CLK4: variants seen among roughly 807,000 people sequenced by gnomAD.
CLK4 encodes the protein dual specificity protein kinase CLK4.
A neutral mutation model predicts 64.4 loss-of-function variants in CLK4; 37 were observed. The ratio of observed to expected loss-of-function variants is 0.57; its 90% CI spans 0.44 to 0.76. The LOEUF is 0.76. CLK4 is among the 30% of genes least tolerant of loss of function. The pLI is 0.00. For missense variants in CLK4, 457 were observed against 605.1 expected, an observed-to-expected ratio of 0.76 and a Z score of 2.57; for synonymous variants, 175 against 191.6, an observed-to-expected ratio of 0.91 and a Z score of 0.72.
chr5:178,612,557 C>T lies in CLK4; in HGVS notation c.922-12G>A, dbSNP rs1433966439. 6.2e-7 allele frequency: 1 copy of T among 1,612,514 alleles called. No individual in the cohort carries two copies. Among genetic ancestry groups the T allele is most frequent in the Admixed American group, 1.7e-5 (1 of 59,802 alleles). On this transcript the variant is annotated splice_polypyrimidine_tract_variant and intron_variant, in intron 8 of 12. Coordinates refer to ENST00000316308, the MANE Select transcript of CLK4 (RefSeq NM_020666.3). ...CGTTCATCACGTTTCTAGAGAGACA[C>T]AGTTGAGTAAACATGAAACTCAATA... is the stretch of plus-strand genomic sequence containing the variant.
intron 1 of CLK4, among the ~76,000 whole-genome samples, chr5:178,626,457 C>A (rs1324411270): frequency 6.6e-6 from 1 of 152,236 alleles, no homozygotes; most frequent in East Asian, 1.9e-4. Flanking sequence ...CACCTCCCGG[C>A]TCCTGGGCAC....
Position 178,603,910 on chromosome 5 carries a change from G to A in CLK4, c.1239C>T (p.Asn413=), listed in dbSNP as rs760860113. 9.3e-6 allele frequency: 15 copies of A among 1,604,906 alleles called. No homozygotes were observed. Among genetic ancestry groups the A allele is most frequent in the Non-Finnish European group, 1.3e-5 (15 of 1,177,028 alleles). Residue 413 remains asparagine (N), a synonymous_variant, in exon 12 of 13, where the codon AAC becomes AAT. Coordinates refer to ENST00000316308, the MANE Select transcript of CLK4 (RefSeq NM_020666.3). ...AACTGTGTTCATCCCAATCTAGCTG[G>A]TTATGGTGAAAATACTTGCGTTTTC... ...KTRKRKYFHH[N]QLDWDEHSSA...
intron 9 of CLK4, among the ~76,000 whole-genome samples, chr5:178,611,304 C>G (rs1449810203): frequency 6.6e-6 from 1 of 152,164 alleles, no homozygotes; most frequent in Non-Finnish European, 1.5e-5. Context: ...CACAGTAGCT[C>G]CTTTCAATTT....
intron 1 of CLK4, among the ~76,000 whole-genome samples, chr5:178,626,500 G>A (rs1347184622): frequency 6.6e-6 from 1 of 152,214 alleles, no homozygotes; most frequent in Non-Finnish European, 1.5e-5. Context: ...TCAAGACAGG[G>A]GCAAATGCTT....
intron 9 of CLK4, among the ~76,000 whole-genome samples, chr5:178,610,992 G>C (rs965024777): frequency 6.6e-6 from 1 of 151,396 alleles, no homozygotes; most frequent in Non-Finnish European, 1.5e-5. Flanking sequence ...AGAATCGCGC[G>C]AACCTGGGAG....
At chr5:178,624,275 C>T (rs73351818) in intron 1 of CLK4, among the ~76,000 whole-genome samples, 3 of 152,202 alleles carry the variant, frequency 2.0e-5, no homozygotes, top group Admixed American at 6.5e-5. Flanking sequence ...GACCAGCCTG[C>T]GCTACACATA....
Position 178,603,940 on chromosome 5 carries a change from GAAAA to G in CLK4, c.1215-10_1215-7del. On this transcript the variant is annotated splice_region_variant and splice_polypyrimidine_tract_variant and intron_variant, in intron 11 of 12. Transcript: ENST00000316308. ...GGTGAAAATACTTGCGTTTTCTACA[GAAAA>G]AAAAAAAAAGTCTGGATTAGTAAAA... The G allele has an allele frequency of 7.6e-7, 1 of 1,323,846 alleles. No individual in the cohort carries two copies. The highest frequency in any genetic ancestry group is 1.0e-6 in the Non-Finnish European group (1 of 982,772). The allele number at this position is 1,323,846 out of a possible 1,614,324, so 82.0% of individuals were successfully genotyped here.
Position 178,617,408 on chromosome 5 carries a change from C to T in CLK4, c.411G>A (p.Arg137=). ...RSKSHRRKRS[R]SIEDDEEGHL... ...GACCCTCCTCATCATCCTCTATACTCCTGGATCTTTTCCTTCGGTGGCTCT... is the reference window on the plus strand; with the variant it reads ...GACCCTCCTCATCATCCTCTATACTTCTGGATCTTTTCCTTCGGTGGCTCT... The change falls in exon 4 of 13, where the codon AGG becomes AGA. Residue 137 remains arginine (R), a synonymous_variant. Coordinates refer to ENST00000316308, the MANE Select transcript of CLK4 (RefSeq NM_020666.3). This position sits in a 1 kb window ranked among gnomAD's most constrained non-coding sequence, Gnocchi z 5.2. 7 of 1,613,916 alleles carry T rather than the reference C, an allele frequency of 4.3e-6. No homozygotes were observed. The highest frequency in any genetic ancestry group is 5.9e-6 in the Non-Finnish European group (7 of 1,179,878).
intron 3 of CLK4, 159 bp downstream of exon 3, chr5:178,618,397 T>C (rs1040325573): frequency 3.5e-5 from 9 of 254,342 alleles, no homozygotes; most frequent in African/African-American, 1.6e-4. Context: ...CTACAAGAAT[T>C]TGGAGGTTTC....
At chr5:178,609,249 C>T (rs1274857393) in intron 9 of CLK4, among the ~76,000 whole-genome samples, 2 of 152,118 alleles carry the variant, frequency 1.3e-5, no homozygotes, top group Middle Eastern at 3.2e-3. Context: ...ATAAAATCTA[C>T]ATTCAAAGAC....
intron 5 of CLK4, among the ~76,000 whole-genome samples, chr5:178,615,227 C>T (rs1278973883): frequency 6.6e-6 from 1 of 152,116 alleles, no homozygotes; most frequent in Non-Finnish European, 1.5e-5. Flanking sequence ...ATTAAATACA[C>T]CAAGACTTAG....
intron 2 of CLK4, chr5:178,621,861 G>A (rs1462563964): frequency 6.6e-6 from 1 of 152,006 alleles, no homozygotes; most frequent in Admixed American, 6.6e-5. Context: ...AAATAATGGG[G>A]ACTAATTTCC....
At chr5:178,616,084 CT>C (rs998737320) in intron 5 of CLK4, among the ~76,000 whole-genome samples, 21 of 151,566 alleles carry the variant, frequency 1.4e-4, no homozygotes, top group Non-Finnish European at 2.4e-4. Context: ...TGTCATCATT[CT>C]TTTTTTTTAT....
intron 1 of CLK4, among the ~76,000 whole-genome samples, chr5:178,624,557 T>G (rs1477592395): frequency 6.6e-6 from 1 of 152,226 alleles, no homozygotes; most frequent in Non-Finnish European, 1.5e-5. Context: ...GCTCAGCATC[T>G]GCGCTCAAAC....
In CLK4 at chr5:178,623,340, C is replaced by T; in HGVS notation, c.77G>A (p.Ser26Asn). Residue 26 changes from serine to asparagine, a missense_variant, in exon 2 of 13, where the codon AGT becomes AAT. Physicochemically the swap from Ser to Asn is conservative, Grantham distance 46. Transcript: ENST00000316308. ...ESWGHESYRG[S>N]HKRKRRSHSS... ...ATGAGATCTCCTCTTCCGCTTGTGA[C>T]TTCCACGATAGCTTTCATGTCCCCA... is the stretch of plus-strand genomic sequence containing the variant. 1 of 1,614,088 alleles carries T rather than the reference C, an allele frequency of 6.2e-7. No homozygotes were observed. Among genetic ancestry groups the T allele is most frequent in the African/African-American group, 1.3e-5 (1 of 75,040 alleles).
chr5:178,619,756 G>A, intron 2 of CLK4: 2 of 1,270,258 alleles, frequency 1.6e-6, no homozygotes, highest in South Asian at 2.5e-5. Context: ...GGATGTCAAT[G>A]GATCCCAGTT....
chr5:178,616,820 G>T, intron 5 of CLK4, 62 bp downstream of exon 5: 2 of 1,203,034 alleles, frequency 1.7e-6, no homozygotes, highest in South Asian at 1.3e-5. Context: ...AATTTCATCT[G>T]AATTATGAAT....
At chr5:178,619,882 G>T in intron 2 of CLK4, 1 of 911,000 alleles carries the variant, frequency 1.1e-6, no homozygotes. Context: ...CTTCAAGAGG[G>T]ATGCACATGG....
At chr5:178,612,644 T>C in intron 8 of CLK4, 99 bp from the exon 9 acceptor site, 1 of 1,330,694 alleles carries the variant, frequency 7.5e-7, no homozygotes, top group Non-Finnish European at 1.1e-6. Context: ...ATTGTCAAAG[T>C]AAGCTCATGA....
Sources: allele counts gnomAD v4.1 joint callset (sites outside exome capture counted in the v4.1 genomes callset), GRCh38; gene constraint gnomAD v4.1.1; non-coding constraint Gnocchi (gnomAD v3.1); transcripts MANE v1.5; gene names NCBI Gene and HGNC (gene_info 2026-07-23, HGNC 2026-07-21).